Variants in GRIP1 observed in about 807,000 individuals in gnomAD.
GRIP1 encodes glutamate receptor interacting protein 1.
GRIP1 carries 45 observed loss-of-function variants against 129.9 expected under a neutral mutation model. The ratio of observed to expected loss-of-function variants is 0.35; its 90% CI spans 0.27 to 0.44. The LOEUF is 0.44. Ranked by LOEUF, GRIP1 falls within the 20% of genes least tolerant of loss-of-function variation. GRIP1 has a pLI of 1.00. For synonymous variants in GRIP1, 530 were observed against 520.8 expected (o/e 1.02, Z -0.24); for missense variants, 1,196 against 1,396.8 (o/e 0.86, Z 2.29).
chr12:67,038,053 T>C (rs2043124581), intron 1 of GRIP1, among the ~76,000 whole-genome samples: 1 of 152,226 alleles, frequency 6.6e-6, no homozygotes, highest in African/African-American at 2.4e-5. Context: ...CTATATGATC[T>C]ACACTGGCTA....
At position 66,735,215 on chromosome 12, in the gene GRIP1, A is replaced by G. The variant is rs182836341; in HGVS notation, c.-420+68838T>C. Among the ~76,000 whole-genome samples, 284 of 152,344 alleles carry G rather than the reference A, an allele frequency of 1.9e-3. 1 individual carries two copies. Among genetic ancestry groups the G allele is most frequent in the African/African-American group, 5.9e-3 (244 of 41,568 alleles). ...TGGATTGTGTGCAAATCTATGGAAT[A>G]GTAAGTTTTATTATAACAGACTTCC... On this transcript the variant is annotated intron_variant, in intron 1 of 4. Transcript: ENST00000538373.
chr12:66,394,543 G>C (rs2056718359), intron 16 of GRIP1, among the ~76,000 whole-genome samples, 191 bp from the exon 17 acceptor site: 1 of 152,210 alleles, frequency 6.6e-6, no homozygotes, highest in African/African-American at 2.4e-5. Flanking sequence ...ATCATTGTCA[G>C]TGCCAGGGGA....
At chr12:66,980,984 T>C (rs2085729197) in intron 1 of GRIP1, among the ~76,000 whole-genome samples, 1 of 152,350 alleles carries the variant, frequency 6.6e-6, no homozygotes, top group East Asian at 1.9e-4. Flanking sequence ...GAATCCCTTC[T>C]GCAAATGTGC....
chr12:66,740,420 T>C (rs2136552462), intron 1 of GRIP1, among the ~76,000 whole-genome samples: 1 of 152,282 alleles, frequency 6.6e-6, no homozygotes, highest in East Asian at 1.9e-4. Flanking sequence ...CAAAGGATGT[T>C]AAGACTGCAG....
At chr12:66,841,953 A>T (rs1315720681) in intron 1 of GRIP1, among the ~76,000 whole-genome samples, 1 of 152,216 alleles carries the variant, frequency 6.6e-6, no homozygotes, top group Non-Finnish European at 1.5e-5. Context: ...GTTTTCTATA[A>T]GCTTCATAAC....
At chr12:66,513,238 T>C (rs150861793) in intron 7 of GRIP1, among the ~76,000 whole-genome samples, 2 of 152,242 alleles carry the variant, frequency 1.3e-5, no homozygotes, top group South Asian at 2.1e-4. Flanking sequence ...TTAGAATGAG[T>C]CTTGATATTG....
At chr12:66,407,682 G>A (rs1009508928) in intron 15 of GRIP1, among the ~76,000 whole-genome samples, 5 of 152,176 alleles carry the variant, frequency 3.3e-5, no homozygotes, top group Non-Finnish European at 5.9e-5. Context: ...CACCCATTCC[G>A]GTGGTCAGAA....
chr12:66,719,973 T>C (rs1165829470), intron 1 of GRIP1, among the ~76,000 whole-genome samples: 1 of 152,170 alleles, frequency 6.6e-6, no homozygotes, highest in Non-Finnish European at 1.5e-5. Context: ...ATAGGACATG[T>C]AGAGAAAGTT....
At chr12:66,926,103 G>T (rs143436536) in intron 1 of GRIP1, among the ~76,000 whole-genome samples, 1 of 152,114 alleles carries the variant, frequency 6.6e-6, no homozygotes, top group African/African-American at 2.4e-5. Context: ...CAACACAGGC[G>T]ACTGAAACAT....
At chr12:66,950,687 G>A (rs1177822108) in intron 1 of GRIP1, among the ~76,000 whole-genome samples, 2 of 152,090 alleles carry the variant, frequency 1.3e-5, no homozygotes, top group African/African-American at 4.8e-5. Context: ...GTGTCTGTGT[G>A]TCTGTGTGTG....
At chr12:66,773,052 G>T (rs1028717444) in intron 1 of GRIP1, among the ~76,000 whole-genome samples, 1 of 152,312 alleles carries the variant, frequency 6.6e-6, no homozygotes, top group Admixed American at 6.5e-5. Flanking sequence ...GAAGAATTCT[G>T]CAATTCTTCA....
chr12:66,996,925 C>A (rs2042475812), intron 1 of GRIP1, among the ~76,000 whole-genome samples: 1 of 152,094 alleles, frequency 6.6e-6, no homozygotes, highest in African/African-American at 2.4e-5. Flanking sequence ...GAAGGGAGAA[C>A]CAGCACTGAC....
intron 1 of GRIP1, among the ~76,000 whole-genome samples, chr12:67,051,857 G>C (rs1427778461): frequency 6.6e-6 from 1 of 152,152 alleles, no homozygotes; most frequent in Non-Finnish European, 1.5e-5. Context: ...TCACATCTTT[G>C]CAGGTTCTCT....
intron 1 of GRIP1, among the ~76,000 whole-genome samples, chr12:66,613,204 A>G (rs1020902185): frequency 6.6e-6 from 1 of 152,218 alleles, no homozygotes; most frequent in African/African-American, 2.4e-5. Flanking sequence ...GCACGAGGAT[A>G]TCATTTATTA....
chr12:66,885,126 G>C (rs1279654863), intron 1 of GRIP1, among the ~76,000 whole-genome samples: 1 of 152,164 alleles, frequency 6.6e-6, no homozygotes, highest in Non-Finnish European at 1.5e-5. Flanking sequence ...CAAAACCCCA[G>C]AAGGGGAGGC....
chr12:66,355,484 C>A (rs189116231), intron 23 of GRIP1, among the ~76,000 whole-genome samples: 6 of 152,272 alleles, frequency 3.9e-5, no homozygotes, highest in Non-Finnish European at 8.8e-5. Flanking sequence ...GAGTAGTAAG[C>A]CCCACTTTAC....
At chr12:66,435,393 G>C (rs1238620107) in intron 13 of GRIP1, among the ~76,000 whole-genome samples, 7 of 151,992 alleles carry the variant, frequency 4.6e-5, no homozygotes, top group Non-Finnish European at 2.9e-5. Flanking sequence ...TGTAGAGATG[G>C]GGTTTCCGCC....
chr12:66,709,382 T>C (rs1157867968), intron 1 of GRIP1, among the ~76,000 whole-genome samples: 4 of 151,988 alleles, frequency 2.6e-5, no homozygotes, highest in African/African-American at 9.7e-5. Flanking sequence ...GGCATATGGA[T>C]TGACTAAAGA....
chr12:66,861,423 C>T (rs566782929), intron 1 of GRIP1, among the ~76,000 whole-genome samples: 2 of 152,202 alleles, frequency 1.3e-5, no homozygotes, highest in Admixed American at 6.5e-5. Context: ...TGCAGCTTTT[C>T]AATGAGATTT....
Sources: allele counts gnomAD v4.1 joint callset (sites outside exome capture counted in the v4.1 genomes callset), GRCh38; gene constraint gnomAD v4.1.1; transcripts MANE v1.5; gene names NCBI Gene and HGNC (gene_info 2026-07-23, HGNC 2026-07-21).